OCA2: variants seen among roughly 807,000 people sequenced by gnomAD.
OCA2 encodes the protein OCA2 melanosomal transmembrane protein, also known as P protein.
A neutral mutation model predicts 100.2 loss-of-function variants in OCA2; 77 were observed. The ratio of observed to expected loss-of-function variants is 0.77; its 90% CI spans 0.64 to 0.93. The LOEUF is 0.93. Among genes scored for constraint, OCA2 ranks in the 40% least tolerant of loss-of-function variants. The pLI is 0.00. For missense variants in OCA2, 1,062 were observed against 1,089.1 expected, an observed-to-expected ratio of 0.98 and a Z score of 0.35; for synonymous variants, 432 against 439.2, an observed-to-expected ratio of 0.98 and a Z score of 0.21.
chr15:27,740,324 C>T, the OCA2 span, among the ~76,000 whole-genome samples: 1 of 152,052 alleles, frequency 6.6e-6, no homozygotes, highest in South Asian at 2.1e-4. Flanking sequence ...ATCAAAAGGT[C>T]CCCTACATTT....
Position 27,989,598 on chromosome 15 carries a change from T to C in OCA2, c.1182+3A>G. 6.2e-7 allele frequency: 1 copy of C among 1,613,732 alleles called. No homozygotes were observed. Among genetic ancestry groups the C allele is most frequent in the African/African-American group, 1.3e-5 (1 of 75,040 alleles). ...CCAGTCCCACGGGGAGAGCTGTAAT[T>C]ACCATGCCAAACAGCAGGGCCAGCG... On this transcript the variant is annotated splice_donor_region_variant and intron_variant, in intron 11 of 23. Coordinates refer to ENST00000354638, the MANE Select transcript of OCA2 (RefSeq NM_000275.3).
intron 2 of OCA2, among the ~76,000 whole-genome samples, chr15:28,072,695 A>C (rs935160427): frequency 2.6e-5 from 4 of 152,190 alleles, no homozygotes. Flanking sequence ...ACATATGAAA[A>C]AGCGCTCAGC....
downstream of OCA2, among the ~76,000 whole-genome samples, chr15:27,751,055 C>T (rs889968337): frequency 6.6e-6 from 1 of 152,230 alleles, no homozygotes; most frequent in Non-Finnish European, 1.5e-5. Context: ...ACACCTTCCT[C>T]AGAGGGACCT....
intron 12 of OCA2, 133 bp downstream of exon 12, chr15:27,986,453 AG>A (rs1453721602): frequency 1.4e-6 from 1 of 696,286 alleles, no homozygotes; most frequent in East Asian, 2.7e-5. Flanking sequence ...CCTGCCCTGC[AG>A]AAGCAACCTT....
chr15:27,803,547 C>T (rs1309933190), intron 23 of OCA2, among the ~76,000 whole-genome samples: 1 of 152,070 alleles, frequency 6.6e-6, no homozygotes, highest in Non-Finnish European at 1.5e-5. Context: ...TTCATAGGGA[C>T]AGAACAGAAT....
At chr15:27,968,475 T>C (rs2140847566) in intron 14 of OCA2, among the ~76,000 whole-genome samples, 1 of 152,310 alleles carries the variant, frequency 6.6e-6, no homozygotes, top group East Asian at 1.9e-4. Flanking sequence ...CGTTGGGAGT[T>C]TGGAAAATCA....
rs948162670 is a variant in OCA2 at position 27,793,798 on chromosome 15, A to G, written c.2433-38326T>C. 2.0e-5 allele frequency among the ~76,000 whole-genome samples: 3 copies of G among 152,182 alleles called. 1 individual carries two copies. Among genetic ancestry groups the G allele is most frequent in the African/African-American group, 7.2e-5 (3 of 41,442 alleles). On this transcript the variant is annotated intron_variant, in intron 23 of 23. Coordinates refer to ENST00000354638, the MANE Select transcript of OCA2 (RefSeq NM_000275.3). ...AGCTGCAGTTCTTCTTCCTCACCCA[A>G]TGACAGAGCCTTTTCCTTATTCACA...
At chr15:27,983,653 G>A (rs924803263) in intron 13 of OCA2, among the ~76,000 whole-genome samples, 170 bp from the exon 14 acceptor site, 17 of 152,116 alleles carry the variant, frequency 1.1e-4, no homozygotes, top group Non-Finnish European at 2.1e-4. Context: ...AACAACCCCC[G>A]CAGGCCACAG....
At chr15:28,066,789 G>A (rs1438579196) in intron 2 of OCA2, among the ~76,000 whole-genome samples, 3 of 152,062 alleles carry the variant, frequency 2.0e-5, no homozygotes, top group Admixed American at 2.0e-4. Context: ...TGCATCTAAA[G>A]GTGGCCACCT....
intron 21 of OCA2, among the ~76,000 whole-genome samples, chr15:27,855,647 A>G (rs7172625): frequency 0.43 from 65,099 of 152,132 alleles, 15,824 homozygotes; most frequent in African/African-American, 0.64. Context: ...TATCTTGTCT[A>G]TGCTCATTTA....
In OCA2 at chr15:27,955,180, T is replaced by C. The variant is rs1729856177; in HGVS notation, c.1820A>G (p.Asn607Ser). ...TACCTTTTTTTGGAGTTCTTGGATA[T>C]TGGTCTCCCAATTTTTGTCCTCCTG... The part of the protein sequence containing the change: ...ISQEDKNWET[N>S]IQELQKKHRI... Residue 607 changes from asparagine (N) to serine (S), a missense_variant, in exon 17 of 24, where the codon AAT becomes AGT. By Grantham distance (46) the Asn-to-Ser change is conservative. Transcript: ENST00000354638. 1 of 1,612,466 alleles carries C rather than the reference T, an allele frequency of 6.2e-7. No individual in the cohort carries two copies. The highest frequency in any genetic ancestry group is 1.7e-4 in the Middle Eastern group (1 of 6,060).
In OCA2 at chr15:28,014,801, C is replaced by A; in HGVS notation, c.1019G>T (p.Gly340Val). 1 of 1,613,956 alleles carries A rather than the reference C, an allele frequency of 6.2e-7. No homozygotes were observed. The highest frequency in any genetic ancestry group is 1.1e-5 in the South Asian group (1 of 91,070). ...QVTIATAILA[G>V]VYALIIFEIV... Reference sequence around the variant, plus strand: ...CTCAAATATGATCAGCGCGTAGACGCCCGCGAGGATGGCCGTCGCGATGGT... The same window carrying A: ...CTCAAATATGATCAGCGCGTAGACGACCGCGAGGATGGCCGTCGCGATGGT... The change falls in exon 9 of 24, where the codon GGC (glycine) becomes GTC (valine). Residue 340 changes from glycine to valine, a missense_variant. Physicochemically the swap from Gly to Val is moderately radical, Grantham distance 109. Transcript: ENST00000354638.
chr15:27,982,151 T>A (rs1409835751), intron 14 of OCA2, among the ~76,000 whole-genome samples: 1 of 152,226 alleles, frequency 6.6e-6, no homozygotes, highest in African/African-American at 2.4e-5. Flanking sequence ...CTGTGCTGTC[T>A]TTTGTACTCA....
chr15:27,834,823 C>T (rs1003374597), intron 23 of OCA2, among the ~76,000 whole-genome samples: 10 of 152,176 alleles, frequency 6.6e-5, no homozygotes, highest in Non-Finnish European at 1.0e-4. Flanking sequence ...GACTCAGCCG[C>T]GGTAAACACG....
At chr15:27,801,550 CAAAAAAAAA>C (rs34636608) in intron 23 of OCA2, among the ~76,000 whole-genome samples, 1 of 37,828 alleles carries the variant, frequency 2.6e-5, no homozygotes, top group African/African-American at 7.8e-5. Flanking sequence ...GACTCGGTCT[CAAAAAAAAA>C]AAAAAAAAAA....
chr15:27,858,401 A>C (rs187315782), intron 21 of OCA2, among the ~76,000 whole-genome samples: 147 of 152,136 alleles, frequency 9.7e-4, no homozygotes, highest in African/African-American at 3.3e-3. Flanking sequence ...AAAAAAAAAA[A>C]AAAACAGAAA....
chr15:28,098,560 G>A (rs1294037259), intron 1 of OCA2, among the ~76,000 whole-genome samples: 2 of 152,050 alleles, frequency 1.3e-5, no homozygotes, highest in African/African-American at 4.8e-5. Flanking sequence ...GCTCCTCAAA[G>A]TGCACTGCAC....
At chr15:28,086,811 C>G (rs2044783435) in intron 1 of OCA2, among the ~76,000 whole-genome samples, 1 of 151,958 alleles carries the variant, frequency 6.6e-6, no homozygotes, top group African/African-American at 2.4e-5. Context: ...AAAATGAACT[C>G]AACAGTAAAA....
chr15:27,963,911 T>C (rs1674438367), intron 15 of OCA2, among the ~76,000 whole-genome samples: 1 of 152,106 alleles, frequency 6.6e-6, no homozygotes, highest in East Asian at 1.9e-4. Flanking sequence ...GAATGAGAGA[T>C]ATGACATTAT....
Sources: gnomAD v4.1 joint callset for allele counts (sites outside exome capture counted in the v4.1 genomes callset) on GRCh38, gnomAD v4.1.1 for gene constraint, MANE v1.5 for transcripts, NCBI Gene and HGNC (gene_info 2026-07-23, HGNC 2026-07-21) for gene names.